Variants in NFIB observed in about 807,000 individuals in gnomAD.
NFIB encodes the protein nuclear factor 1 B-type.
Under a neutral mutation model 61.5 loss-of-function variants are expected in NFIB, and 11 were observed. The ratio of observed to expected loss-of-function variants is 0.18; its 90% CI spans 0.11 to 0.30. The LOEUF (loss-of-function observed/expected upper bound fraction) is 0.30. Among genes scored for constraint, NFIB ranks in the 10% least tolerant of loss-of-function variants. NFIB has a pLI of 1.00. For synonymous variants in NFIB, 260 were observed against 216.5 expected, an observed-to-expected ratio of 1.20 and a Z score of -1.76; for missense variants, 471 against 608.9, an observed-to-expected ratio of 0.77 and a Z score of 2.38.
At chr9:14,318,599 T>C (rs2060595648), upstream of NFIB, among the ~76,000 whole-genome samples, 1 of 136,488 alleles carries the variant, frequency 7.3e-6, no homozygotes, top group Non-Finnish European at 1.5e-5. Flanking sequence ...CCAATATCAA[T>C]ATTTAAAAAC....
At chr9:14,295,495 G>C (rs552570891) in intron 2 of NFIB, among the ~76,000 whole-genome samples, 1 of 152,192 alleles carries the variant, frequency 6.6e-6, no homozygotes, top group East Asian at 1.9e-4. Flanking sequence ...GCCGGGCGTG[G>C]GGAAGGGCGC....
At chr9:14,443,437 C>T in the NFIB span, among the ~76,000 whole-genome samples, 8 of 152,174 alleles carry the variant, frequency 5.3e-5, no homozygotes, top group African/African-American at 1.7e-4. Flanking sequence ...AGTCAGGTGT[C>T]TCCCACCCAC....
At chr9:14,162,095 A>G (rs1434825292) in intron 3 of NFIB, among the ~76,000 whole-genome samples, 1 of 152,200 alleles carries the variant, frequency 6.6e-6, no homozygotes, top group African/African-American at 2.4e-5. Flanking sequence ...ACATTAAGAA[A>G]CAAAACATTT....
At chr9:14,216,603 G>A (rs1393495574) in intron 2 of NFIB, among the ~76,000 whole-genome samples, 1 of 147,020 alleles carries the variant, frequency 6.8e-6, no homozygotes, top group African/African-American at 2.5e-5. Flanking sequence ...GCATTGACAA[G>A]GGGGTAAGCC....
At chr9:14,179,911 C>T in intron 2 of NFIB, 131 bp from the exon 3 acceptor site, 2 of 743,452 alleles carry the variant, frequency 2.7e-6, no homozygotes, top group Non-Finnish European at 4.3e-6. Context: ...ATACACTTTC[C>T]CAAGACTTTT....
chr9:14,236,706 T>G (rs2053781271), intron 2 of NFIB, among the ~76,000 whole-genome samples: 1 of 152,238 alleles, frequency 6.6e-6, no homozygotes, highest in African/African-American at 2.4e-5. Context: ...TGTCATTGTT[T>G]CACTACTTCC....
At chr9:14,290,515 C>A (rs2059021832) in intron 2 of NFIB, among the ~76,000 whole-genome samples, 1 of 152,004 alleles carries the variant, frequency 6.6e-6, no homozygotes, top group African/African-American at 2.4e-5. Context: ...GAAACTGAAT[C>A]TTAGAAAATA....
At chr9:14,524,334 T>A in the NFIB span, among the ~76,000 whole-genome samples, 4 of 152,290 alleles carry the variant, frequency 2.6e-5, no homozygotes, top group African/African-American at 9.6e-5. Flanking sequence ...TAGGGTGTTT[T>A]CTCTCAAACA....
chr9:14,290,547 T>C (rs765190916), intron 2 of NFIB, among the ~76,000 whole-genome samples: 2 of 152,058 alleles, frequency 1.3e-5, no homozygotes, highest in African/African-American at 2.4e-5. Flanking sequence ...CCCAACTACA[T>C]AGTGAATAGT....
At chr9:14,350,725 C>G (rs1169270579) in intron 1 of NFIB, among the ~76,000 whole-genome samples, 1 of 152,126 alleles carries the variant, frequency 6.6e-6, no homozygotes, top group East Asian at 1.9e-4. Context: ...ACCTTATGGG[C>G]GCTGATCGTG....
intron 2 of NFIB, among the ~76,000 whole-genome samples, chr9:14,217,251 G>A (rs1033355359): frequency 6.6e-6 from 1 of 152,118 alleles, no homozygotes; most frequent in Non-Finnish European, 1.5e-5. Context: ...ACACTTAACA[G>A]CAGATAGAAT....
intron 1 of NFIB, among the ~76,000 whole-genome samples, chr9:14,312,443 C>G (rs886911651): frequency 6.6e-6 from 1 of 152,184 alleles, no homozygotes; most frequent in Non-Finnish European, 1.5e-5. Context: ...TTCCGAAAAG[C>G]TGAAATAAGC....
chr9:14,407,758 C>T, the NFIB span, among the ~76,000 whole-genome samples: 1 of 152,234 alleles, frequency 6.6e-6, no homozygotes, highest in East Asian at 1.9e-4. Flanking sequence ...ACAATCATAG[C>T]TCACTGTAAC....
intron 2 of NFIB, among the ~76,000 whole-genome samples, chr9:14,211,582 A>G (rs566582045): frequency 5.6e-4 from 86 of 152,350 alleles, no homozygotes; most frequent in African/African-American, 1.9e-3. Context: ...ACAAACTGCA[A>G]TTTGAATCCA....
intron 5 of NFIB, among the ~76,000 whole-genome samples, chr9:14,149,596 G>T (rs565066849): frequency 6.6e-6 from 1 of 152,212 alleles, no homozygotes; most frequent in South Asian, 2.1e-4. Context: ...ACATAGAATG[G>T]TTAAACCAAA....
intron 9 of NFIB, among the ~76,000 whole-genome samples, chr9:14,114,209 C>T (rs975633429): frequency 3.9e-5 from 6 of 152,106 alleles, no homozygotes; most frequent in African/African-American, 1.4e-4. Context: ...AGTGAAGATG[C>T]TCACAATTCA....
chr9:14,288,714 T>C (rs985497526), intron 2 of NFIB, among the ~76,000 whole-genome samples: 2 of 152,022 alleles, frequency 1.3e-5, no homozygotes, highest in Non-Finnish European at 2.9e-5. Flanking sequence ...CTTGTCCCAC[T>C]ATCTTTGGTA....
chr9:14,238,856 C>T (rs948501569), intron 2 of NFIB, among the ~76,000 whole-genome samples: 11 of 152,142 alleles, frequency 7.2e-5, no homozygotes, highest in African/African-American at 2.7e-4. Flanking sequence ...CTCCACCCTT[C>T]TCAAAAATAA....
chr9:14,309,558 C>T (rs1350647906), intron 1 of NFIB, among the ~76,000 whole-genome samples: 2 of 152,210 alleles, frequency 1.3e-5, no homozygotes, highest in Non-Finnish European at 2.9e-5. Context: ...TATGCGAGCA[C>T]ATTAAACTAG....
Sources: gnomAD v4.1 joint callset for allele counts (sites outside exome capture counted in the v4.1 genomes callset) on GRCh38, gnomAD v4.1.1 for gene constraint, MANE v1.5 for transcripts, NCBI Gene and HGNC (gene_info 2026-07-23, HGNC 2026-07-21) for gene names.